SFRP1: variants seen among roughly 807,000 people sequenced by gnomAD.
The protein encoded by SFRP1 is secreted frizzled related protein 1.
Under a neutral mutation model 25.9 loss-of-function variants are expected in SFRP1, and 9 were observed. The ratio of observed to expected loss-of-function variants is 0.35; its 90% CI spans 0.21 to 0.61. SFRP1 has a LOEUF of 0.61. Among genes scored for constraint, SFRP1 ranks in the 20% least tolerant of loss-of-function variants. SFRP1 has a pLI of 0.78. For missense variants in SFRP1, 346 were observed against 418.2 expected (o/e 0.83, Z 1.51); for synonymous variants, 178 against 174.0 (o/e 1.02, Z -0.18).
intron 2 of SFRP1, among the ~76,000 whole-genome samples, chr8:41,279,212 C>T (rs1434797679): frequency 6.6e-6 from 1 of 152,086 alleles, no homozygotes; most frequent in Admixed American, 6.6e-5. Flanking sequence ...GTGGGGCACA[C>T]AAATGAACAG....
chr8:41,301,151 T>C (rs755674885), intron 2 of SFRP1, among the ~76,000 whole-genome samples: 4 of 152,188 alleles, frequency 2.6e-5, no homozygotes, highest in Non-Finnish European at 5.9e-5. Flanking sequence ...ATGCACCCCT[T>C]GTTCCCGGAG....
intron 2 of SFRP1, among the ~76,000 whole-genome samples, chr8:41,267,790 C>T (rs1270942101): frequency 1.3e-5 from 2 of 152,202 alleles, no homozygotes; most frequent in African/African-American, 4.8e-5. Context: ...TCTAAATGTG[C>T]ACTTTTAATC....
chr8:41,290,668 G>C (rs1013083402), intron 2 of SFRP1, among the ~76,000 whole-genome samples: 1 of 152,040 alleles, frequency 6.6e-6, no homozygotes, highest in African/African-American at 2.4e-5. Context: ...CCTCCCGAGG[G>C]CTCCTTCAAG....
chr8:41,299,105 C>T (rs1803878774), intron 2 of SFRP1, among the ~76,000 whole-genome samples: 1 of 152,012 alleles, frequency 6.6e-6, no homozygotes, highest in Admixed American at 6.5e-5. Flanking sequence ...CCCCCAACCC[C>T]CCACCTCCCA....
At position 41,263,622 on chromosome 8, in the gene SFRP1, G is replaced by A. The variant is rs568149253; in HGVS notation, c.*1545C>T. Reference sequence around the variant, plus strand: ...AAGTGTTGCAGAGAATTAAGAATCCGGCTTTGGGGGAAGAAATTAATATGC... The same window carrying A: ...AAGTGTTGCAGAGAATTAAGAATCCAGCTTTGGGGGAAGAAATTAATATGC... On this transcript the variant is annotated 3_prime_UTR_variant, in exon 3 of 3. Coordinates refer to ENST00000220772, the MANE Select transcript of SFRP1 (RefSeq NM_003012.5). 7.9e-5 allele frequency: 12 copies of A among 152,280 alleles called. 1 individual carries two copies. The highest frequency in any genetic ancestry group is 4.1e-4 in the South Asian group (2 of 4,826). 9.4% of individuals were successfully genotyped at this position (152,280 alleles called of 1,614,324 possible).
chr8:41,282,098 G>GTAGC lies in SFRP1; in HGVS notation c.623-16613_623-16610dup, dbSNP rs201901425. Among the ~76,000 whole-genome samples, 822 of 152,330 alleles carry GTAGC rather than the reference G, an allele frequency of 5.4e-3. 7 individuals carry two copies. The highest frequency in any genetic ancestry group is 0.018 in the African/African-American group (741 of 41,572). ...GACTGGGTTGCTAAGGGCCTTTTGG[G>GTAGC]TAGCTGTTTGGTTGCCTCCCACATC... On this transcript the variant is annotated intron_variant, in intron 2 of 2. Transcript: ENST00000220772.
At chr8:41,288,303 G>A (rs761339958) in intron 2 of SFRP1, among the ~76,000 whole-genome samples, 80 of 151,964 alleles carry the variant, frequency 5.3e-4, no homozygotes, top group Admixed American at 2.9e-3. Context: ...GTTGCAGTGA[G>A]CCAAAATCGT....
chr8:41,262,376 T>A lies in SFRP1; in HGVS notation c.*2791A>T, dbSNP rs1157473599. The A allele has an allele frequency of 6.6e-6, 1 of 152,126 alleles. No individual in the cohort carries two copies. Among genetic ancestry groups the A allele is most frequent in the Admixed American group, 6.6e-5 (1 of 15,266 alleles). 9.4% of individuals were successfully genotyped at this position (152,126 alleles called of 1,614,324 possible). On this transcript the variant is annotated 3_prime_UTR_variant, in exon 3 of 3. Transcript: ENST00000220772. ...CTCAGAGTCTGATGAGAAAAACAGA[T>A]TTTAGGTTTGGGAAATGGGATTACT...
At chr8:41,299,266 G>GT (rs1205864421) in intron 2 of SFRP1, among the ~76,000 whole-genome samples, 1 of 151,976 alleles carries the variant, frequency 6.6e-6, no homozygotes, top group African/African-American at 2.4e-5. Flanking sequence ...GATAGAATAT[G>GT]TATCTTCAGC....
chr8:41,288,054 T>TAAA (rs113220723), intron 2 of SFRP1, among the ~76,000 whole-genome samples: 125 of 148,940 alleles, frequency 8.4e-4, no homozygotes, highest in Non-Finnish European at 1.3e-3. Flanking sequence ...CCCGTTTCTA[T>TAAA]AAAAAAAAAA....
At chr8:41,305,459 G>A (rs1469399380) in intron 1 of SFRP1, among the ~76,000 whole-genome samples, 4 of 152,138 alleles carry the variant, frequency 2.6e-5, no homozygotes, top group South Asian at 4.1e-4. Flanking sequence ...TTTTTACCAC[G>A]GCTTTCCCCT....
At chr8:41,301,983 C>T (rs1240111684) in intron 2 of SFRP1, among the ~76,000 whole-genome samples, 1 of 152,212 alleles carries the variant, frequency 6.6e-6, no homozygotes, top group African/African-American at 2.4e-5. Context: ...AAATTCTTTC[C>T]CAGGCTTGCC....
In SFRP1 at chr8:41,262,407, T is replaced by G. The variant is rs1464944319; in HGVS notation, c.*2760A>C. ...GTTTGGGAAATGGGATTACTGTAATTTACACATCCAAATGCAAACTGGAGC... is the reference window on the plus strand; with the variant it reads ...GTTTGGGAAATGGGATTACTGTAATGTACACATCCAAATGCAAACTGGAGC... On this transcript the variant is annotated 3_prime_UTR_variant, in exon 3 of 3. Coordinates refer to ENST00000220772, the MANE Select transcript of SFRP1 (RefSeq NM_003012.5). 3 of 152,150 alleles carry G rather than the reference T, an allele frequency of 2.0e-5. No homozygotes were observed. The highest frequency in any genetic ancestry group is 7.2e-5 in the African/African-American group (3 of 41,420). 9.4% of individuals were successfully genotyped at this position (152,150 alleles called of 1,614,324 possible).
chr8:41,306,078 GA>G (rs146649815), intron 1 of SFRP1, among the ~76,000 whole-genome samples: 7,690 of 152,298 alleles, frequency 0.05, 567 homozygotes, highest in African/African-American at 0.16. Context: ...AGTTCTAATG[GA>G]AGTGCCAAAT....
At chr8:41,295,483 C>A (rs1281094175) in intron 2 of SFRP1, among the ~76,000 whole-genome samples, 2 of 150,926 alleles carry the variant, frequency 1.3e-5, no homozygotes, top group African/African-American at 4.9e-5. Flanking sequence ...GAGCTAAGAT[C>A]ACACCACTGC....
intron 2 of SFRP1, among the ~76,000 whole-genome samples, chr8:41,301,999 A>G (rs993570865): frequency 3.3e-5 from 5 of 152,250 alleles, no homozygotes; most frequent in Non-Finnish European, 7.3e-5. Context: ...TTGCCTCTTC[A>G]GCCTATGTGG....
At chr8:41,267,042 T>G (rs1272575576) in intron 2 of SFRP1, among the ~76,000 whole-genome samples, 1 of 152,108 alleles carries the variant, frequency 6.6e-6, no homozygotes, top group Non-Finnish European at 1.5e-5. Flanking sequence ...AGCACTAATG[T>G]TCTGCCAACT....
intron 1 of SFRP1, among the ~76,000 whole-genome samples, chr8:41,306,120 T>C (rs1803992394): frequency 2.6e-5 from 4 of 152,236 alleles, no homozygotes; most frequent in Admixed American, 2.6e-4. Context: ...AAAAGAGCAA[T>C]TGCCTCTTCC....
intron 2 of SFRP1, among the ~76,000 whole-genome samples, chr8:41,302,903 G>A (rs1236311261): frequency 2.0e-5 from 3 of 151,984 alleles, no homozygotes; most frequent in Non-Finnish European, 4.4e-5. Flanking sequence ...CTGCTGTGGG[G>A]ATGTCCATTT....
Sources: allele counts gnomAD v4.1 joint callset (sites outside exome capture counted in the v4.1 genomes callset), GRCh38; gene constraint gnomAD v4.1.1; transcripts MANE v1.5; gene names NCBI Gene and HGNC (gene_info 2026-07-23, HGNC 2026-07-21).